The following CIT variants were observed in gnomAD, a reference collection of about 807,000 sequenced individuals.
The protein encoded by CIT is citron rho-interacting serine/threonine kinase.
In CIT, 79 loss-of-function variants were observed where a neutral mutation model predicts 272.7. The ratio of observed to expected loss-of-function variants is 0.29; its 90% CI spans 0.24 to 0.35. The LOEUF (loss-of-function observed/expected upper bound fraction) is 0.35, where lower values mean the gene tolerates loss of function less well. Among genes scored for constraint, CIT ranks in the 10% least tolerant of loss-of-function variants. The probability of loss-of-function intolerance (pLI) is 1.00; values close to 1 mark genes in which losing one functional copy is unlikely to be tolerated. For missense variants in CIT, 1,909 were observed against 2,618.3 expected (o/e 0.73, Z 5.91); for synonymous variants, 948 against 995.6 (o/e 0.95, Z 0.90).
intron 23 of CIT, among the ~76,000 whole-genome samples, chr12:119,745,303 T>G (rs1229122977): frequency 1.3e-5 from 1 of 78,590 alleles, no homozygotes; most frequent in Non-Finnish European, 2.5e-5. Context: ...GGAGAAGGAG[T>G]GGGCATGAAA....
At chr12:119,730,800 G>A (rs1958394727) in intron 26 of CIT, among the ~76,000 whole-genome samples, 170 bp from the exon 27 acceptor site, 1 of 152,192 alleles carries the variant, frequency 6.6e-6, no homozygotes, top group South Asian at 2.1e-4. Flanking sequence ...AGCTTACAAA[G>A]CAAAGATTTG....
In CIT at chr12:119,710,933, T is replaced by C; in HGVS notation, c.4855-313A>G. On this transcript the variant is annotated intron_variant, in intron 37 of 47. Coordinates refer to ENST00000392521, the MANE Select transcript of CIT (RefSeq NM_001206999.2). This position sits in a 1 kb window ranked among gnomAD's most constrained non-coding sequence, Gnocchi z 5.6. The stretch of plus-strand genomic sequence containing the variant: ...AAGAAATAAGCTGAAGCTAAGGAGA[T>C]TTCACCTGCGCAGGGTTAATAAGAC... The C allele has an allele frequency of 4.8e-6, 4 of 830,698 alleles. No individual in the cohort carries two copies. Among genetic ancestry groups the C allele is most frequent in the Non-Finnish European group, 7.2e-6 (4 of 553,356 alleles). The allele number at this position is 830,698 out of a possible 1,614,324, so 51.5% of individuals were successfully genotyped here.
Position 119,757,399 on chromosome 12 carries a change from A to G in CIT, c.2678T>C (p.Leu893Pro). The change falls in exon 22 of 48, where the codon CTG (leucine) becomes CCG (proline). Residue 893 changes from leucine (L) to proline (P), a missense_variant. Coordinates refer to ENST00000392521, the MANE Select transcript of CIT (RefSeq NM_001206999.2). ...SHQDHSDKNR[L>P]LELETRLREV... ...CCGCAATCTTGTCTCCAGTTCCAGC[A>G]GCCGATTCTTGTCACTGTGGTCTTG... 1.2e-6 allele frequency: 2 copies of G among 1,613,950 alleles called. No homozygotes were observed. The highest frequency in any genetic ancestry group is 1.7e-6 in the Non-Finnish European group (2 of 1,179,980).
At chr12:119,814,902 G>A (rs1434140698) in intron 9 of CIT, among the ~76,000 whole-genome samples, 4 of 152,076 alleles carry the variant, frequency 2.6e-5, no homozygotes, top group Non-Finnish European at 5.9e-5. Flanking sequence ...GCCAGGCGTG[G>A]TGGCGCATGC....
intron 15 of CIT, among the ~76,000 whole-genome samples, chr12:119,776,101 A>G (rs758630064): frequency 2.6e-5 from 4 of 151,930 alleles, no homozygotes; most frequent in Non-Finnish European, 5.9e-5. Flanking sequence ...AACAATAACA[A>G]TTTTCCTATA....
At chr12:119,742,628 A>G in intron 23 of CIT, 164 bp from the exon 24 acceptor site, 1 of 552,532 alleles carries the variant, frequency 1.8e-6, no homozygotes, top group East Asian at 3.0e-5. Flanking sequence ...CAACACCAGA[A>G]ATAAGTTACA....
chr12:119,874,816 G>A (rs1214870134), intron 2 of CIT, among the ~76,000 whole-genome samples: 1 of 151,412 alleles, frequency 6.6e-6, no homozygotes, highest in East Asian at 1.9e-4. Context: ...AACCCCGGGG[G>A]GCAGAGCCTG....
At chr12:119,847,590 C>T (rs1010636028) in intron 5 of CIT, among the ~76,000 whole-genome samples, 1 of 148,048 alleles carries the variant, frequency 6.8e-6, no homozygotes, top group African/African-American at 2.5e-5. Context: ...AAGACTCCAT[C>T]TCAGAAAAAA....
intron 22 of CIT, among the ~76,000 whole-genome samples, chr12:119,752,864 C>A (rs1236238015): frequency 6.6e-6 from 1 of 152,148 alleles, no homozygotes; most frequent in African/African-American, 2.4e-5. Flanking sequence ...ACAGTCTCTG[C>A]CTTCAAGTGG....
At chr12:119,759,764 C>T (rs1311353951) in intron 20 of CIT, among the ~76,000 whole-genome samples, 2 of 152,096 alleles carry the variant, frequency 1.3e-5, no homozygotes, top group Admixed American at 6.5e-5. Flanking sequence ...TCCACAAAAC[C>T]GGTCCCTGGT....
chr12:119,831,954 A>C (rs559961133), intron 7 of CIT, among the ~76,000 whole-genome samples: 1 of 152,358 alleles, frequency 6.6e-6, no homozygotes, highest in South Asian at 2.1e-4. Flanking sequence ...GGGCATTTTG[A>C]AGAGCAGCTT....
At chr12:119,817,428 C>T (rs757207191) in intron 9 of CIT, among the ~76,000 whole-genome samples, 5 of 151,986 alleles carry the variant, frequency 3.3e-5, no homozygotes, top group African/African-American at 1.2e-4. Context: ...AGAAGAATGG[C>T]GTGAACCTGG....
chr12:119,803,874 T>C (rs1966418538), intron 9 of CIT, among the ~76,000 whole-genome samples: 1 of 152,054 alleles, frequency 6.6e-6, no homozygotes, highest in Non-Finnish European at 1.5e-5. Flanking sequence ...TTAACCGGGA[T>C]AAGAGGAAGG....
chr12:119,751,986 C>T, intron 23 of CIT, 64 bp downstream of exon 23: 2 of 1,404,018 alleles, frequency 1.4e-6, no homozygotes, highest in South Asian at 1.3e-5. Flanking sequence ...ATACTCAGTG[C>T]CAGTTCCACA....
intron 23 of CIT, among the ~76,000 whole-genome samples, chr12:119,746,296 A>C (rs1183615276): frequency 6.6e-6 from 1 of 152,174 alleles, no homozygotes; most frequent in Non-Finnish European, 1.5e-5. Flanking sequence ...ACTTAACTCT[A>C]CCCTTCTAAA....
chr12:119,724,049 G>T (rs563380850), intron 28 of CIT, among the ~76,000 whole-genome samples: 52 of 152,174 alleles, frequency 3.4e-4, no homozygotes, highest in African/African-American at 9.7e-5. Flanking sequence ...CTAGCACTTT[G>T]GGAGGCCAAG....
chr12:119,699,619 C>G, intron 44 of CIT: 1 of 357,538 alleles, frequency 2.8e-6, no homozygotes, highest in Non-Finnish European at 5.5e-6. Flanking sequence ...TGGAAAGCAA[C>G]AAGGCCTCCA....
chr12:119,730,427 A>G, intron 27 of CIT, 68 bp downstream of exon 27: 1 of 1,496,152 alleles, frequency 6.7e-7, no homozygotes, highest in Non-Finnish European at 9.0e-7. Context: ...TTGAATTTTT[A>G]TCAAGCGTGC....
intron 23 of CIT, among the ~76,000 whole-genome samples, chr12:119,749,231 T>C (rs144658175): frequency 3.7e-4 from 57 of 152,298 alleles, no homozygotes; most frequent in Admixed American, 7.2e-4. Flanking sequence ...CCTCTTACAA[T>C]TAAACAATCA....
Sources: gnomAD v4.1 joint callset for allele counts (sites outside exome capture counted in the v4.1 genomes callset) on GRCh38, gnomAD v4.1.1 for gene constraint, Gnocchi (gnomAD v3.1) non-coding constraint, MANE v1.5 for transcripts, NCBI Gene and HGNC (gene_info 2026-07-23, HGNC 2026-07-21) for gene names.